AIM2: variants seen among roughly 807,000 people sequenced by gnomAD.
AIM2 encodes interferon-inducible protein AIM2.
AIM2 carries 30 observed loss-of-function variants against 27.7 expected under a neutral mutation model. The ratio of observed to expected loss-of-function variants is 1.08; its 90% confidence interval spans 0.81 to 1.47. The LOEUF (loss-of-function observed/expected upper bound fraction) is 1.47. Among genes scored for constraint, AIM2 ranks in the 40% most tolerant of loss-of-function variants. The pLI is 0.00. For synonymous variants in AIM2, 141 were observed against 145.3 expected, an observed-to-expected ratio of 0.97 and a Z score of 0.21; for missense variants, 358 against 411.3, an observed-to-expected ratio of 0.87 and a Z score of 1.12.
chr1:159,061,773 A>G (rs142441023), downstream of AIM2, among the ~76,000 whole-genome samples: 6 of 152,108 alleles, frequency 3.9e-5, no homozygotes, highest in East Asian at 1.2e-3. Flanking sequence ...TTGCCTTTCA[A>G]TGCTCTTAAT....
intron 1 of AIM2, among the ~76,000 whole-genome samples, chr1:159,091,392 G>A (rs1397061304): frequency 2.0e-5 from 3 of 152,158 alleles, no homozygotes; most frequent in African/African-American, 7.2e-5. Context: ...ACGTGCTTTG[G>A]CAGGTTCTGC....
intron 1 of AIM2, among the ~76,000 whole-genome samples, chr1:159,086,702 C>A (rs1656920230): frequency 6.6e-6 from 1 of 152,190 alleles, no homozygotes; most frequent in Admixed American, 6.5e-5. Flanking sequence ...GGCACTACAC[C>A]CGTGCAAGTT....
chr1:159,091,046 C>G (rs1403753285), intron 1 of AIM2, among the ~76,000 whole-genome samples: 9 of 152,144 alleles, frequency 5.9e-5, no homozygotes. Context: ...AATGAAGGGG[C>G]AGGCTGTATG....
intron 1 of AIM2, among the ~76,000 whole-genome samples, chr1:159,138,665 A>C (rs966129673): frequency 3.3e-5 from 5 of 152,210 alleles, no homozygotes; most frequent in African/African-American, 1.2e-4. Context: ...TTAATGCCTG[A>C]AGATACTGTC....
intron 1 of AIM2, among the ~76,000 whole-genome samples, chr1:159,084,231 A>G (rs746458948): frequency 7.2e-5 from 11 of 152,162 alleles, no homozygotes; most frequent in African/African-American, 1.4e-4. Flanking sequence ...ATATTTGTAC[A>G]TAATTTATAT....
chr1:159,093,026 A>AAAAT (rs1205552353), intron 1 of AIM2, among the ~76,000 whole-genome samples: 1 of 113,738 alleles, frequency 8.8e-6, no homozygotes, highest in Middle Eastern at 4.1e-3. Context: ...GCTCCGTCTC[A>AAAAT]AAATAAATAA....
At chr1:159,099,977 G>A (rs1657277908) in intron 1 of AIM2, among the ~76,000 whole-genome samples, 2 of 152,168 alleles carry the variant, frequency 1.3e-5, no homozygotes, top group Non-Finnish European at 2.9e-5. Context: ...CTTCTACCGT[G>A]AGAATCGTTT....
intron 1 of AIM2, among the ~76,000 whole-genome samples, chr1:159,137,009 G>A (rs571907866): frequency 6.6e-6 from 1 of 152,208 alleles, no homozygotes; most frequent in East Asian, 1.9e-4. Context: ...CTACATATCT[G>A]ACTCTATTCT....
chr1:159,145,663 G>A (rs929056627), intron 1 of AIM2, among the ~76,000 whole-genome samples: 2 of 152,154 alleles, frequency 1.3e-5, no homozygotes, highest in South Asian at 2.1e-4. Context: ...CAATGGGCTG[G>A]ACCTCCAGGG....
At chr1:159,066,711 T>A (rs1656119183) in intron 3 of AIM2, among the ~76,000 whole-genome samples, 1 of 152,222 alleles carries the variant, frequency 6.6e-6, no homozygotes, top group South Asian at 2.1e-4. Flanking sequence ...CATGTGTCCT[T>A]GTTTCTCTAT....
intron 1 of AIM2, among the ~76,000 whole-genome samples, chr1:159,094,168 C>A (rs545749432): frequency 7.9e-5 from 12 of 152,198 alleles, no homozygotes; most frequent in Admixed American, 3.3e-4. Flanking sequence ...GTGGCTAGAA[C>A]CAGAGGACAG....
At chr1:159,126,730 C>G (rs566059076) in intron 1 of AIM2, among the ~76,000 whole-genome samples, 2 of 150,930 alleles carry the variant, frequency 1.3e-5, no homozygotes, top group East Asian at 3.9e-4. Flanking sequence ...GGAATATAAA[C>G]TATGACTCAG....
At chr1:159,073,664 A>C (rs897947329) in intron 1 of AIM2, 145 bp from the exon 2 acceptor site, 2 of 766,596 alleles carry the variant, frequency 2.6e-6, no homozygotes, top group Non-Finnish European at 4.1e-6. Context: ...ATAGGTAAGA[A>C]CTTCTTAAGC....
At chr1:159,106,063 C>T (rs1017075114) in intron 1 of AIM2, among the ~76,000 whole-genome samples, 2 of 152,156 alleles carry the variant, frequency 1.3e-5, no homozygotes, top group African/African-American at 4.8e-5. Flanking sequence ...TACAACTTTG[C>T]TCCACACTGG....
At chr1:159,104,359 A>T (rs747855780) in intron 1 of AIM2, among the ~76,000 whole-genome samples, 1 of 152,208 alleles carries the variant, frequency 6.6e-6, no homozygotes, top group Non-Finnish European at 1.5e-5. Flanking sequence ...TAAATGTGCA[A>T]CTGAGGAACT....
At chr1:159,065,814 A>G (rs1656064502) in intron 4 of AIM2, 96 bp downstream of exon 4, 1 of 1,312,010 alleles carries the variant, frequency 7.6e-7, no homozygotes, top group African/African-American at 1.5e-5. Context: ...TTGTCTATAT[A>G]GAAAGACATT....
upstream of AIM2, among the ~76,000 whole-genome samples, chr1:159,140,769 TAGACA>T (rs1274351414): frequency 6.6e-6 from 1 of 152,034 alleles, no homozygotes; most frequent in Non-Finnish European, 1.5e-5. Context: ...TGTGGCCCAT[TAGACA>T]AGACAAGGAG....
At chr1:159,071,897 G>A (rs772597324) in intron 2 of AIM2, among the ~76,000 whole-genome samples, 6 of 152,014 alleles carry the variant, frequency 3.9e-5, no homozygotes, top group Admixed American at 6.5e-5. Context: ...GAGTTTCCAA[G>A]CTAGTCCCAA....
intron 1 of AIM2, among the ~76,000 whole-genome samples, chr1:159,103,758 A>G (rs533258822): frequency 6.6e-6 from 1 of 152,242 alleles, no homozygotes; most frequent in African/African-American, 2.4e-5. Context: ...TTTCACTTCC[A>G]TAGCCTTCCC....
Sources: gnomAD v4.1 joint callset for allele counts (sites outside exome capture counted in the v4.1 genomes callset) on GRCh38, gnomAD v4.1.1 for gene constraint, MANE v1.5 for transcripts, NCBI Gene and HGNC (gene_info 2026-07-23, HGNC 2026-07-21) for gene names.